Variants in PCDH11X observed in about 807,000 individuals in gnomAD.
The protein encoded by PCDH11X is protocadherin-11 X-linked.
PCDH11X carries 18 observed loss-of-function variants against 53.3 expected under a neutral mutation model. That is an observed-to-expected ratio of 0.34 (90% CI 0.23 to 0.50). The LOEUF (loss-of-function observed/expected upper bound fraction) is 0.50. Among genes scored for constraint, PCDH11X ranks in the 20% least tolerant of loss-of-function variants. PCDH11X has a pLI of 0.98. For missense variants in PCDH11X, 570 were observed against 1,032.4 expected, an observed-to-expected ratio of 0.55 and a Z score of 6.14; for synonymous variants, 279 against 393.3, an observed-to-expected ratio of 0.71 and a Z score of 3.44.
chrX:92,398,020 T>C (rs910016230), intron 9 of PCDH11X, among the ~76,000 whole-genome samples: 7 of 110,795 alleles, frequency 6.3e-5, no homozygotes, highest in Non-Finnish European at 1.1e-4. Flanking sequence ...ATATTGAAAT[T>C]TCAATTCAAA....
In PCDH11X at chrX:91,932,520, G is replaced by A. The variant is rs540809944; in HGVS notation, c.3033+53247G>A. 2.5e-3 allele frequency among the ~76,000 whole-genome samples: 245 copies of A among 99,345 alleles called. 2 individuals carry two copies. The South Asian group carries it at 0.059, about 24-fold the overall frequency. 86.3% of individuals were successfully genotyped at this position (99,345 alleles called of 115,157 possible). The stretch of plus-strand genomic sequence containing the variant: ...AATTCAAAAGAGAGGCCGAGAGAGA[G>A]AAAATGTGTTAAAGATGAAGAGAGG... On this transcript the variant is annotated intron_variant, in intron 6 of 10. Transcript: ENST00000682573.
intron 6 of PCDH11X, among the ~76,000 whole-genome samples, chrX:92,041,646 T>G (rs6618825): frequency 0.37 from 41,413 of 111,047 alleles, 7,674 homozygotes; most frequent in East Asian, 0.84. Flanking sequence ...GCAAAAAAAT[T>G]AATGAGTACC....
intron 6 of PCDH11X, among the ~76,000 whole-genome samples, chrX:91,936,652 G>A (rs918353199): frequency 2.2e-4 from 23 of 104,972 alleles, no homozygotes; most frequent in African/African-American, 7.5e-4. Flanking sequence ...ATATTTGAAG[G>A]TGTTTGTTTA....
intron 5 of PCDH11X, among the ~76,000 whole-genome samples, chrX:91,840,136 C>A (rs1937470810): frequency 9.0e-6 from 1 of 111,183 alleles, no homozygotes; most frequent in Non-Finnish European, 1.9e-5. Flanking sequence ...TGTATATAAA[C>A]CACAGGGACT....
intron 10 of PCDH11X, among the ~76,000 whole-genome samples, chrX:92,600,156 A>G: frequency 9.5e-6 from 1 of 105,081 alleles, no homozygotes; most frequent in Admixed American, 1.0e-4. Context: ...TGATGATGTA[A>G]TAGAAAAGAA....
At chrX:91,826,467 T>C (rs1936930376) in intron 4 of PCDH11X, among the ~76,000 whole-genome samples, 1 of 96,741 alleles carries the variant, frequency 1.0e-5, no homozygotes, top group African/African-American at 3.9e-5. Flanking sequence ...CTTTATTTCT[T>C]TAACTTTTAT....
intron 6 of PCDH11X, among the ~76,000 whole-genome samples, chrX:92,009,250 A>C (rs1475821940): frequency 6.2e-5 from 7 of 112,007 alleles, no homozygotes; most frequent in Non-Finnish European, 1.1e-4. Context: ...AGAAATATTA[A>C]AATAGAGCTG....
intron 6 of PCDH11X, among the ~76,000 whole-genome samples, chrX:92,059,664 A>G (rs1347427878): frequency 1.8e-5 from 2 of 111,173 alleles, no homozygotes; most frequent in South Asian, 3.7e-4. Context: ...CATAAATATC[A>G]CATTTGGAAA....
chrX:92,143,443 G>A (rs900027396), intron 6 of PCDH11X, among the ~76,000 whole-genome samples: 1 of 112,367 alleles, frequency 8.9e-6, no homozygotes, highest in Non-Finnish European at 1.9e-5. Flanking sequence ...TTGGTGCCCT[G>A]TGTCCCAACC....
intron 6 of PCDH11X, among the ~76,000 whole-genome samples, chrX:92,149,784 T>C (rs5984155): frequency 0.048 from 5,303 of 110,594 alleles, 249 homozygotes; most frequent in African/African-American, 0.14. Context: ...ACCACTAATA[T>C]GTGTACTGTA....
intron 4 of PCDH11X, among the ~76,000 whole-genome samples, chrX:91,825,980 G>A (rs1479033800): frequency 1.6e-4 from 17 of 108,545 alleles, no homozygotes; most frequent in Admixed American, 1.1e-3. Flanking sequence ...AATTTTTACC[G>A]CTCATCTTTT....
chrX:92,256,029 C>A (rs956289263), intron 7 of PCDH11X, among the ~76,000 whole-genome samples: 1 of 112,307 alleles, frequency 8.9e-6, no homozygotes, highest in Non-Finnish European at 1.9e-5. Flanking sequence ...GCCCCTCCCC[C>A]AGCCTCGCTG....
intron 10 of PCDH11X, among the ~76,000 whole-genome samples, chrX:92,495,026 A>T: frequency 1.0e-5 from 1 of 95,995 alleles, no homozygotes; most frequent in South Asian, 5.4e-4. Context: ...AAGAATTGAT[A>T]TTTAAACCCT....
chrX:91,950,595 T>TATATATAAATGTG (rs2061627873), intron 6 of PCDH11X, among the ~76,000 whole-genome samples: 1 of 77,044 alleles, frequency 1.3e-5, no homozygotes, highest in Non-Finnish European at 2.8e-5. Context: ...ATGTGATATA[T>TATATATAAATGTG]ATATATATAT....
chrX:92,488,216 A>G (rs1241563411), intron 10 of PCDH11X, among the ~76,000 whole-genome samples: 2 of 110,027 alleles, frequency 1.8e-5, no homozygotes, highest in Non-Finnish European at 3.8e-5. Flanking sequence ...AAATGACAGG[A>G]GGACTGTATA....
intron 6 of PCDH11X, among the ~76,000 whole-genome samples, chrX:91,941,900 T>C (rs1037633213): frequency 9.0e-6 from 1 of 110,858 alleles, no homozygotes; most frequent in African/African-American, 3.3e-5. Context: ...AAGGGAAATA[T>C]ACCTGGAAAC....
At position 92,186,651 on chromosome X, in the gene PCDH11X, A is replaced by T. The variant is rs183820751; in HGVS notation, c.3034-14724A>T. 7.7e-3 allele frequency among the ~76,000 whole-genome samples: 767 copies of T among 99,637 alleles called. 12 individuals are homozygous for T. The highest frequency in any genetic ancestry group is 0.027 in the African/African-American group (730 of 27,510). 86.5% of individuals were successfully genotyped at this position (99,637 alleles called of 115,157 possible). Reference sequence around the variant, plus strand: ...CTCAAAAAAAAAAAAAAAAAAAGAGAATAGTTGTTTCTAGAAGCTGGTAAT... The same window carrying T: ...CTCAAAAAAAAAAAAAAAAAAAGAGTATAGTTGTTTCTAGAAGCTGGTAAT... On this transcript the variant is annotated intron_variant, in intron 6 of 10. Transcript: ENST00000682573.
At chrX:92,134,152 G>A (rs961399726) in intron 6 of PCDH11X, among the ~76,000 whole-genome samples, 52 of 111,546 alleles carry the variant, frequency 4.7e-4, no homozygotes, top group African/African-American at 1.6e-3. Flanking sequence ...AAACAATAGG[G>A]TAAAGGAAGC....
chrX:91,921,958 C>A (rs1322562510), intron 6 of PCDH11X, among the ~76,000 whole-genome samples: 3 of 110,979 alleles, frequency 2.7e-5, no homozygotes, highest in African/African-American at 9.8e-5. Context: ...AGCCATTTTA[C>A]GACTCAGTGT....
Sources: allele counts gnomAD v4.1 joint callset (sites outside exome capture counted in the v4.1 genomes callset), GRCh38; gene constraint gnomAD v4.1.1; transcripts MANE v1.5; gene names NCBI Gene and HGNC (gene_info 2026-07-23, HGNC 2026-07-21).